Variants in TRAF6 observed in about 807,000 individuals in gnomAD.
The protein encoded by TRAF6 is TNF receptor-associated factor 6.
A neutral mutation model predicts 48.4 loss-of-function variants in TRAF6; 10 were observed. The ratio of observed to expected loss-of-function variants is 0.21; its 90% confidence interval spans 0.13 to 0.35. The LOEUF is 0.35. Among genes scored for constraint, TRAF6 ranks in the 10% least tolerant of loss-of-function variants. TRAF6 has a pLI of 1.00. For missense variants in TRAF6, 397 were observed against 661.0 expected, an observed-to-expected ratio of 0.60 and a Z score of 4.38; for synonymous variants, 186 against 219.6, an observed-to-expected ratio of 0.85 and a Z score of 1.35.
chr11:36,509,452 G>A (rs1481601037), intron 1 of TRAF6, among the ~76,000 whole-genome samples: 2 of 151,644 alleles, frequency 1.3e-5, no homozygotes, highest in Non-Finnish European at 2.9e-5. Flanking sequence ...CTCGCTGCCT[G>A]AGACTTCTAT....
At position 36,486,723 on chromosome 11, in the gene TRAF6, C is replaced by A. The variant is rs1859489856; in HGVS notation, c.*3115G>T. 6.6e-6 allele frequency among the ~76,000 whole-genome samples: 1 copy of A among 152,082 alleles called. No individual in the cohort carries two copies. The highest frequency in any genetic ancestry group is 1.5e-5 in the Non-Finnish European group (1 of 68,032). On this transcript the variant is annotated 3_prime_UTR_variant, in exon 7 of 7. Coordinates refer to ENST00000526995, the MANE Select transcript of TRAF6 (RefSeq NM_004620.4). ...GCTGCCAATAGATAGTAATAAACTA[C>A]CAAACTTCAAATCAACATTCAGACT...
chr11:36,487,487 G>GTGA lies in TRAF6; in HGVS notation c.*2348_*2350dup, dbSNP rs1303596277. The GTGA allele has an allele frequency of 1.3e-5, 2 of 152,218 alleles. No homozygotes were observed. The highest frequency in any genetic ancestry group is 2.4e-5 in the African/African-American group (1 of 41,448). The allele number at this position is 152,218 out of a possible 1,614,324, so 9.4% of individuals were successfully genotyped here. On this transcript the variant is annotated 3_prime_UTR_variant, in exon 7 of 7. Coordinates refer to ENST00000526995, the MANE Select transcript of TRAF6 (RefSeq NM_004620.4). ...TAAAATTGCTCATTTTACTTAAGAT[G>GTGA]TGACCCAGCTGATAGACACTAAATT...
intron 4 of TRAF6, 46 bp downstream of exon 4, chr11:36,497,062 A>C (rs139010336): frequency 2.5e-6 from 4 of 1,598,062 alleles, no homozygotes; most frequent in Admixed American, 1.7e-5. Flanking sequence ...TTTAAGAACA[A>C]TATTTTAAGA....
chr11:36,489,482 T>TA lies in TRAF6; in HGVS notation c.*355_*356insT. ...AGACTGAAGTTTTAAGGAAAATCCA[T>TA]TATTATTAAAAGTTTAGTACTCTTG... On this transcript the variant is annotated 3_prime_UTR_variant, in exon 7 of 7. Transcript: ENST00000526995. The TA allele has an allele frequency of 4.8e-6, 1 of 209,414 alleles. No individual in the cohort carries two copies. 13.0% of individuals were successfully genotyped at this position (209,414 alleles called of 1,614,324 possible). A position where few individuals can be genotyped will look rare whatever the true frequency, so the allele number is the denominator to read the frequency against.
rs549754272 is a variant in TRAF6 at position 36,496,045 on chromosome 11, C to T, written c.607-998G>A. 5.3e-5 allele frequency among the ~76,000 whole-genome samples: 8 copies of T among 151,956 alleles called. No homozygotes were observed. In the South Asian group the frequency reaches 1.5e-3, roughly 28 times the overall value. On this transcript the variant is annotated intron_variant, in intron 4 of 6. Coordinates refer to ENST00000526995, the MANE Select transcript of TRAF6 (RefSeq NM_004620.4). The stretch of plus-strand genomic sequence containing the variant: ...TCTCAAAGTGGGGAAAAACTGCCAA[C>T]GTGAATTTATAAAAACTATAGTTTA...
In TRAF6 at chr11:36,487,868, G is replaced by T. The variant is rs572218955; in HGVS notation, c.*1970C>A. 2 of 152,226 alleles carry T rather than the reference G, an allele frequency of 1.3e-5. No individual in the cohort carries two copies. The highest frequency in any genetic ancestry group is 4.8e-5 in the African/African-American group (2 of 41,542). The allele number at this position is 152,226 out of a possible 1,614,324, so 9.4% of individuals were successfully genotyped here. A position where few individuals can be genotyped will look rare whatever the true frequency, so the allele number is the denominator to read the frequency against. ...TATCATTTCCTTTTTTGAGCTGGGG[G>T]CGTGGAGATTAAATGTTTTGTGGCA... On this transcript the variant is annotated 3_prime_UTR_variant, in exon 7 of 7. Coordinates refer to ENST00000526995, the MANE Select transcript of TRAF6 (RefSeq NM_004620.4).
At position 36,509,905 on chromosome 11, in the gene TRAF6, G is replaced by A. The variant is rs1859882409; in HGVS notation, c.-23+143C>T. ...GACCTGTGAAAAGCGAAGGGACAGG[G>A]GAGGCGTCCCCGACTGGTGGGAAGC... On this transcript the variant is annotated intron_variant, in intron 1 of 6. Coordinates refer to ENST00000526995, the MANE Select transcript of TRAF6 (RefSeq NM_004620.4). 3 of 151,274 alleles carry A rather than the reference G, an allele frequency of 2.0e-5. No individual in the cohort carries two copies. The South Asian group carries it at 6.3e-4, about 32-fold the overall frequency. The allele number at this position is 151,274 out of a possible 1,614,324, so 9.4% of individuals were successfully genotyped here. A position where few individuals can be genotyped will look rare whatever the true frequency, so the allele number is the denominator to read the frequency against.
chr11:36,499,098 T>C (rs1859680893), intron 2 of TRAF6, among the ~76,000 whole-genome samples: 1 of 152,222 alleles, frequency 6.6e-6, no homozygotes, highest in African/African-American at 2.4e-5. Context: ...CACTTAGCAG[T>C]ACCTCCGTGA....
intron 1 of TRAF6, among the ~76,000 whole-genome samples, chr11:36,508,792 C>G (rs1017035050): frequency 6.6e-6 from 1 of 152,152 alleles, no homozygotes. Context: ...ACTTTGAATC[C>G]AAATTCAAGG....
intron 5 of TRAF6, among the ~76,000 whole-genome samples, chr11:36,494,263 C>CTT (rs1859599916): frequency 1.3e-5 from 2 of 152,016 alleles, no homozygotes; most frequent in South Asian, 4.1e-4. Flanking sequence ...AGTCCCAGCT[C>CTT]TTTGGGAGGC....
chr11:36,496,145 G>A (rs2133670117), intron 4 of TRAF6, among the ~76,000 whole-genome samples: 1 of 152,268 alleles, frequency 6.6e-6, no homozygotes, highest in Non-Finnish European at 1.5e-5. Flanking sequence ...ATAGGATAGG[G>A]ATCAAGGGCT....
chr11:36,492,046 C>T (rs60525880), intron 6 of TRAF6, among the ~76,000 whole-genome samples: 1 of 152,210 alleles, frequency 6.6e-6, no homozygotes, highest in African/African-American at 2.4e-5. Context: ...CTCTCCTTCA[C>T]TCATCACATT....
At chr11:36,496,948 T>G (rs1859645480) in intron 4 of TRAF6, among the ~76,000 whole-genome samples, 160 bp downstream of exon 4, 2 of 152,240 alleles carry the variant, frequency 1.3e-5, no homozygotes, top group African/African-American at 4.8e-5. Context: ...TAAAATGGCT[T>G]ATTGAACCTT....
intron 5 of TRAF6, among the ~76,000 whole-genome samples, chr11:36,493,816 T>C (rs948305970): frequency 9.9e-5 from 15 of 152,228 alleles, no homozygotes; most frequent in African/African-American, 3.4e-4. Context: ...GTTTAACACC[T>C]TCAAATTAAG....
chr11:36,498,619 T>G lies in TRAF6; in HGVS notation c.318A>C (p.Pro106=), dbSNP rs375146862. 3.4e-4 allele frequency: 553 copies of G among 1,612,760 alleles called. 7 individuals are homozygous for G. In the South Asian group the frequency reaches 5.8e-3, roughly 17 times the overall value. ...KSIRDAGHKC[P]VDNEILLENQ... ...TTTCCAGCAGTATTTCATTGTCAAC[T>G]GGACATTTGTGACCTGCATCCCTAA... is the stretch of plus-strand genomic sequence containing the variant. Residue 106 remains proline, a synonymous_variant, in exon 3 of 7, where the codon CCA becomes CCC. Transcript: ENST00000526995.
At position 36,485,515 on chromosome 11, in the gene TRAF6, A is replaced by G. The variant is rs535987020; in HGVS notation, c.*4323T>C. ...CTGCAGACAGTAAGAGCAGAGGCAC[A>G]TGCCCCAACTTCCCCATCTTAAAGG... is the stretch of plus-strand genomic sequence containing the variant. On this transcript the variant is annotated 3_prime_UTR_variant, in exon 7 of 7. Coordinates refer to ENST00000526995, the MANE Select transcript of TRAF6 (RefSeq NM_004620.4). Among the ~76,000 whole-genome samples the G allele has an allele frequency of 1.4e-4, 21 of 152,270 alleles. No individual in the cohort carries two copies. Among genetic ancestry groups the G allele is most frequent in the African/African-American group, 4.3e-4 (18 of 41,514 alleles).
intron 2 of TRAF6, among the ~76,000 whole-genome samples, chr11:36,499,580 CAG>C (rs1859688760): frequency 6.6e-6 from 1 of 152,140 alleles, no homozygotes; most frequent in Non-Finnish European, 1.5e-5. Flanking sequence ...GCCTGGGAGA[CAG>C]AGCAAGACTC....
intron 3 of TRAF6, among the ~76,000 whole-genome samples, chr11:36,498,209 A>G (rs1042253704): frequency 6.6e-6 from 1 of 152,160 alleles, no homozygotes; most frequent in African/African-American, 2.4e-5. Context: ...AATGCTCCTC[A>G]GGTTTACTGC....
Position 36,490,740 on chromosome 11 carries a change from T to A in TRAF6, c.757-90A>T. On this transcript the variant is annotated intron_variant, in intron 6 of 6. Coordinates refer to ENST00000526995, the MANE Select transcript of TRAF6 (RefSeq NM_004620.4). The surrounding 1 kb of genome is among the most constrained non-coding windows in gnomAD (Gnocchi z 6.4). ...CCAGGTCAAATAAGAAGTTTTCAAG[T>A]AGTCACACCACTTCCCTCAATTCTC... The A allele has an allele frequency of 1.8e-6, 2 of 1,125,128 alleles. No individual in the cohort carries two copies. Among genetic ancestry groups the A allele is most frequent in the Non-Finnish European group, 2.5e-6 (2 of 791,966 alleles). 69.7% of individuals were successfully genotyped at this position (1,125,128 alleles called of 1,614,324 possible). A position where few individuals can be genotyped will look rare whatever the true frequency, so the allele number is the denominator to read the frequency against.
Sources: allele counts gnomAD v4.1 joint callset (sites outside exome capture counted in the v4.1 genomes callset), GRCh38; gene constraint gnomAD v4.1.1; non-coding constraint Gnocchi (gnomAD v3.1); transcripts MANE v1.5; gene names NCBI Gene and HGNC (gene_info 2026-07-23, HGNC 2026-07-21).